The following COL4A4 variants were observed in gnomAD, a reference collection of about 807,000 sequenced individuals.
COL4A4 encodes the protein collagen alpha-4(IV) chain.
Under a neutral mutation model 192.9 loss-of-function variants are expected in COL4A4, and 105 were observed. The ratio of observed to expected loss-of-function variants is 0.54; its 90% CI spans 0.46 to 0.64. COL4A4 has a LOEUF of 0.64. Among genes scored for constraint, COL4A4 ranks in the 30% least tolerant of loss-of-function variants. COL4A4 has a pLI of 0.00. For missense variants in COL4A4, 1,967 were observed against 2,169.3 expected, an observed-to-expected ratio of 0.91 and a Z score of 1.85; for synonymous variants, 762 against 769.9, an observed-to-expected ratio of 0.99 and a Z score of 0.17.
At chr2:226,994,965 T>C in the COL4A4 span, among the ~76,000 whole-genome samples, 2 of 152,138 alleles carry the variant, frequency 1.3e-5, no homozygotes, top group African/African-American at 4.8e-5. Context: ...GCATGATTCT[T>C]ATTGGCCACA....
chr2:227,063,111 T>C (rs753177350), intron 25 of COL4A4, among the ~76,000 whole-genome samples: 2 of 152,220 alleles, frequency 1.3e-5, no homozygotes, highest in African/African-American at 2.4e-5. Context: ...CTACCACTTA[T>C]TGAGGGTTGG....
intron 17 of COL4A4, among the ~76,000 whole-genome samples, chr2:227,100,553 A>G (rs572802155): frequency 3.3e-5 from 5 of 152,362 alleles, no homozygotes; most frequent in Non-Finnish European, 7.3e-5. Context: ...GATTTAAAAT[A>G]TAAGATATGG....
the COL4A4 span, among the ~76,000 whole-genome samples, chr2:226,982,245 A>T: frequency 8.5e-5 from 13 of 152,190 alleles, no homozygotes; most frequent in Non-Finnish European, 1.3e-4. Context: ...TTTTTCTCAG[A>T]GCAGTTTGTC....
At chr2:227,120,956 A>G in intron 5 of COL4A4, 58 bp downstream of exon 5, 2 of 1,610,780 alleles carry the variant, frequency 1.2e-6, no homozygotes, top group Non-Finnish European at 1.7e-6. Flanking sequence ...AAAACAAAAA[A>G]TGGTGCAGTA....
chr2:227,094,775 T>C (rs1220926528), intron 19 of COL4A4, among the ~76,000 whole-genome samples: 1 of 152,212 alleles, frequency 6.6e-6, no homozygotes, highest in Non-Finnish European at 1.5e-5. Context: ...GTGGTGATCA[T>C]TGTACAATGT....
Position 227,059,644 on chromosome 2 carries a change from AT to A in COL4A4, c.2165-22del, listed in dbSNP as rs200590191. 25 of 1,563,618 alleles carry A rather than the reference AT, an allele frequency of 1.6e-5. No individual in the cohort carries two copies. The African/African-American group carries it at 3.2e-4, about 20-fold the overall frequency. On this transcript the variant is annotated intron_variant, in intron 27 of 47. Coordinates refer to ENST00000396625, the MANE Select transcript of COL4A4 (RefSeq NM_000092.5). ...AAAACCTATTTAACAACAAAAAAAA[AT>A]TTTTAATGATAACATGTGCAAGTAT...
intron 1 of COL4A4, among the ~76,000 whole-genome samples, chr2:227,160,549 C>T (rs113246020): frequency 0.03 from 4,555 of 152,186 alleles, 125 homozygotes; most frequent in Non-Finnish European, 0.044. Flanking sequence ...AGAGGACCCC[C>T]ACCCCATTCC....
At chr2:227,116,739 G>A (rs186550483) in intron 7 of COL4A4, among the ~76,000 whole-genome samples, 13 of 152,284 alleles carry the variant, frequency 8.5e-5, no homozygotes, top group Admixed American at 5.9e-4. Context: ...AAGTGGTTGT[G>A]ATGAAAAGGA....
intron 44 of COL4A4, among the ~76,000 whole-genome samples, chr2:227,012,793 A>T (rs953522012): frequency 2.0e-5 from 3 of 152,192 alleles, no homozygotes; most frequent in African/African-American, 7.2e-5. Context: ...GCAATTTTTT[A>T]AAATAGCTTT....
intron 43 of COL4A4, among the ~76,000 whole-genome samples, chr2:227,023,496 T>C (rs555459738): frequency 2.5e-4 from 38 of 152,036 alleles, no homozygotes; most frequent in Admixed American, 2.3e-3. Context: ...GAGATTTTTT[T>C]CTTTTACTTT....
intron 25 of COL4A4, among the ~76,000 whole-genome samples, chr2:227,064,993 G>C (rs1399561400): frequency 1.3e-5 from 2 of 152,228 alleles, no homozygotes; most frequent in Non-Finnish European, 2.9e-5. Context: ...ATCTCACTAG[G>C]GAGTGCCAGA....
intron 30 of COL4A4, 83 bp downstream of exon 30, chr2:227,055,862 T>C (rs1435791416): frequency 3.2e-6 from 4 of 1,231,946 alleles, no homozygotes; most frequent in Non-Finnish European, 4.7e-6. Flanking sequence ...ACTCTTTTTG[T>C]GTGGTCATCT....
intron 1 of COL4A4, among the ~76,000 whole-genome samples, chr2:227,158,310 C>T (rs897144866): frequency 6.6e-6 from 1 of 152,024 alleles, no homozygotes; most frequent in African/African-American, 2.4e-5. Flanking sequence ...TTAATGAATC[C>T]TTATCTCATA....
the COL4A4 span, among the ~76,000 whole-genome samples, chr2:226,993,277 C>T: frequency 6.6e-6 from 1 of 152,226 alleles, no homozygotes; most frequent in Non-Finnish European, 1.5e-5. Context: ...AGTCTTTCAG[C>T]CTCCATGGGT....
intron 8 of COL4A4, among the ~76,000 whole-genome samples, chr2:227,112,694 G>A (rs958547352): frequency 1.3e-5 from 2 of 152,144 alleles, no homozygotes; most frequent in Non-Finnish European, 2.9e-5. Flanking sequence ...CTCCTCCAGT[G>A]GAAACTCTGT....
intron 8 of COL4A4, 135 bp downstream of exon 8, chr2:227,114,493 C>T: frequency 1.3e-6 from 1 of 779,954 alleles, no homozygotes; most frequent in Non-Finnish European, 2.3e-6. Context: ...GATGCCATCC[C>T]TGAGGGTCAG....
chr2:226,996,784 A>ATG, the COL4A4 span: 1 of 152,160 alleles, frequency 6.6e-6, no homozygotes, highest in Non-Finnish European at 1.5e-5. Flanking sequence ...AGATGTGTTT[A>ATG]TGTGTGTGTG....
At chr2:227,117,333 C>T (rs1559667102) in intron 7 of COL4A4, among the ~76,000 whole-genome samples, 1 of 152,152 alleles carries the variant, frequency 6.6e-6, no homozygotes, top group African/African-American at 2.4e-5. Context: ...GAGGTTTGGC[C>T]TGATTTGAGG....
intron 4 of COL4A4, among the ~76,000 whole-genome samples, chr2:227,121,958 C>T (rs1389623842): frequency 6.6e-6 from 1 of 152,204 alleles, no homozygotes; most frequent in Non-Finnish European, 1.5e-5. Flanking sequence ...CTTCAAATAA[C>T]TAATGATTTG....
Sources: allele counts gnomAD v4.1 joint callset (sites outside exome capture counted in the v4.1 genomes callset), GRCh38; gene constraint gnomAD v4.1.1; transcripts MANE v1.5; gene names NCBI Gene and HGNC (gene_info 2026-07-23, HGNC 2026-07-21).